The following ACER3 variants were observed in gnomAD, a reference collection of about 807,000 sequenced individuals.
The protein encoded by ACER3 is alkCDase 3.
Under a neutral mutation model 48.9 loss-of-function variants are expected in ACER3, and 16 were observed. That is an observed-to-expected ratio of 0.33 (90% CI 0.22 to 0.50). The LOEUF (loss-of-function observed/expected upper bound fraction) is 0.50, where lower values mean the gene tolerates loss of function less well. Ranked by LOEUF, ACER3 falls within the 20% of genes least tolerant of loss-of-function variation. The pLI is 0.98. For missense variants in ACER3, 227 were observed against 326.0 expected (o/e 0.70, Z 2.34); for synonymous variants, 109 against 107.8 (o/e 1.01, Z -0.07).
intron 3 of ACER3, among the ~76,000 whole-genome samples, chr11:76,973,486 G>A (rs951512477): frequency 6.6e-6 from 1 of 152,036 alleles, no homozygotes; most frequent in Non-Finnish European, 1.5e-5. Flanking sequence ...TCAAAGGGAC[G>A]GACATGTCCA....
chr11:76,863,385 G>A (rs769510005), intron 1 of ACER3, among the ~76,000 whole-genome samples: 3 of 152,178 alleles, frequency 2.0e-5, no homozygotes, highest in African/African-American at 4.8e-5. Flanking sequence ...AGACTGCAGG[G>A]AGGGTTTTGA....
intron 1 of ACER3, among the ~76,000 whole-genome samples, chr11:76,903,498 G>A (rs1249052402): frequency 8.5e-6 from 1 of 117,346 alleles, no homozygotes; most frequent in Non-Finnish European, 1.7e-5. Context: ...TGGCCAAGGG[G>A]AATCCCAAAG....
intron 10 of ACER3, 108 bp from the exon 11 acceptor site, chr11:77,020,166 C>A: frequency 1.7e-6 from 2 of 1,159,976 alleles, no homozygotes; most frequent in Non-Finnish European, 2.5e-6. Context: ...CAATCACTAG[C>A]AAACCTACGT....
intron 1 of ACER3, among the ~76,000 whole-genome samples, chr11:76,874,130 T>G (rs1424812135): frequency 6.6e-6 from 1 of 152,274 alleles, no homozygotes; most frequent in African/African-American, 2.4e-5. Flanking sequence ...ATATTTTATT[T>G]TGGGGAAAGT....
intron 1 of ACER3, among the ~76,000 whole-genome samples, chr11:76,917,662 G>C (rs1946569048): frequency 6.6e-6 from 1 of 152,074 alleles, no homozygotes; most frequent in Non-Finnish European, 1.5e-5. Flanking sequence ...TTCAAGACCA[G>C]CATGAACAAC....
chr11:77,016,706 G>T lies in ACER3; in HGVS notation c.631G>T (p.Gly211Cys). The stretch of plus-strand genomic sequence containing the variant: ...TCGAAAGAAGGTACCACCTATCATA[G>T]GTATTACCACACAATTTCATGCATG... Reference protein sequence around the residue: ...NFRKKVPPIIGITTQFHAWWH... With the variant: ...NFRKKVPPIICITTQFHAWWH... The change falls in exon 9 of 11, where the codon GGT becomes TGT. Residue 211 changes from glycine (G) to cysteine (C), a missense_variant. Around this residue, in one of 3 missense-constraint regions of ACER3, gnomAD observed 195 missense variants for 290.8 expected, o/e 0.67. Coordinates refer to ENST00000532485, the MANE Select transcript of ACER3 (RefSeq NM_018367.7). The T allele has an allele frequency of 1.3e-6, 2 of 1,598,884 alleles. No individual in the cohort carries two copies. The highest frequency in any genetic ancestry group is 1.7e-5 in the Admixed American group (1 of 58,542).
At chr11:76,928,711 A>G (rs1361544046) in intron 2 of ACER3, among the ~76,000 whole-genome samples, 1 of 152,214 alleles carries the variant, frequency 6.6e-6, no homozygotes, top group African/African-American at 2.4e-5. Flanking sequence ...CATTTATTAA[A>G]TAAGGAATCC....
chr11:76,985,818 C>A, intron 5 of ACER3, 94 bp downstream of exon 5: 2 of 648,852 alleles, frequency 3.1e-6, no homozygotes, highest in South Asian at 2.9e-5. Flanking sequence ...TTCATGCTGT[C>A]AAACTGAAAT....
chr11:76,957,632 T>C lies in ACER3; in HGVS notation c.215-1347T>C, dbSNP rs193199850. On this transcript the variant is annotated intron_variant, in intron 2 of 10. Transcript: ENST00000532485. Reference sequence around the variant, plus strand: ...CTAATTTTTATATTTTTAGTAGAGATGGGGTTTCACCATGTTGACCAGGCT... The same window carrying C: ...CTAATTTTTATATTTTTAGTAGAGACGGGGTTTCACCATGTTGACCAGGCT... 1.6e-3 allele frequency: 448 copies of C among 275,592 alleles called. 1 individual carries two copies. Among genetic ancestry groups the C allele is most frequent in the Non-Finnish European group, 2.6e-3 (357 of 137,328 alleles). 17.1% of individuals were successfully genotyped at this position (275,592 alleles called of 1,614,324 possible). A position where few individuals can be genotyped will look rare whatever the true frequency, so the allele number is the denominator to read the frequency against.
intron 3 of ACER3, among the ~76,000 whole-genome samples, chr11:76,971,279 C>T (rs942549594): frequency 1.3e-5 from 2 of 152,124 alleles, no homozygotes; most frequent in Admixed American, 6.5e-5. Context: ...CAGTGGTTCA[C>T]GCCTGTAATC....
At chr11:76,898,266 A>G (rs2134654631) in intron 1 of ACER3, among the ~76,000 whole-genome samples, 1 of 152,370 alleles carries the variant, frequency 6.6e-6, no homozygotes, top group East Asian at 1.9e-4. Context: ...GGGTACATCA[A>G]CCACCGTTTG....
At chr11:76,893,556 G>C (rs1382500250) in intron 1 of ACER3, among the ~76,000 whole-genome samples, 1 of 152,048 alleles carries the variant, frequency 6.6e-6, no homozygotes, top group Non-Finnish European at 1.5e-5. Context: ...GTAGTAGCTC[G>C]TGCTTGTAAT....
At chr11:77,012,326 G>A (rs1949283848) in intron 7 of ACER3, among the ~76,000 whole-genome samples, 1 of 147,658 alleles carries the variant, frequency 6.8e-6, no homozygotes. Flanking sequence ...GCTGAGGCAG[G>A]AGAATCACTT....
rs115100813 is a variant in ACER3 at position 76,920,061 on chromosome 11, A to G, written c.104-6496A>G. Among the ~76,000 whole-genome samples the G allele has an allele frequency of 6.7e-3, 1,015 of 152,280 alleles. 12 individuals carry two copies. The highest frequency in any genetic ancestry group is 0.021 in the African/African-American group (865 of 41,554). On this transcript the variant is annotated intron_variant, in intron 1 of 10. Coordinates refer to ENST00000532485, the MANE Select transcript of ACER3 (RefSeq NM_018367.7). ...ATAGAGGGCGCCAGAGAGACATTGC[A>G]AGAGGAAGAGATTTTCCTTCCTGGT...
At chr11:77,006,421 T>C (rs1949151643) in intron 7 of ACER3, among the ~76,000 whole-genome samples, 1 of 152,198 alleles carries the variant, frequency 6.6e-6, no homozygotes, top group Non-Finnish European at 1.5e-5. Flanking sequence ...TATACTCATT[T>C]CCATTGCTCT....
At chr11:76,919,354 G>A (rs1946625510) in intron 1 of ACER3, among the ~76,000 whole-genome samples, 1 of 152,126 alleles carries the variant, frequency 6.6e-6, no homozygotes, top group African/African-American at 2.4e-5. Flanking sequence ...TTTTGCACAT[G>A]TGCTTTTCCC....
At chr11:76,957,391 A>G in intron 2 of ACER3, 1 of 387,906 alleles carries the variant, frequency 2.6e-6, no homozygotes, top group African/African-American at 2.1e-5. Context: ...ATATTGAAGC[A>G]CAGAATTATT....
chr11:76,957,306 G>T (rs1947865630), intron 2 of ACER3, among the ~76,000 whole-genome samples: 1 of 151,990 alleles, frequency 6.6e-6, no homozygotes, highest in Non-Finnish European at 1.5e-5. Context: ...ATGTTATAAG[G>T]GCTGATACTT....
intron 1 of ACER3, among the ~76,000 whole-genome samples, chr11:76,915,274 A>G (rs1237739416): frequency 6.6e-6 from 1 of 151,574 alleles, no homozygotes; most frequent in Non-Finnish European, 1.5e-5. Flanking sequence ...CCTTGATCCT[A>G]GGACTTTATG....
Sources: gnomAD v4.1 joint callset for allele counts (sites outside exome capture counted in the v4.1 genomes callset) on GRCh38, gnomAD v4.1.1 for gene constraint, gnomAD v4.1.1 regional missense constraint, MANE v1.5 for transcripts, NCBI Gene and HGNC (gene_info 2026-07-23, HGNC 2026-07-21) for gene names.